Variants in KSR2 observed in about 807,000 individuals in gnomAD.
KSR2 encodes the protein kinase suppressor of ras 2.
In KSR2, 25 loss-of-function variants were observed where a neutral mutation model predicts 107.8. The ratio of observed to expected loss-of-function variants is 0.23; its 90% CI spans 0.17 to 0.32. The LOEUF is 0.32. Among genes scored for constraint, KSR2 ranks in the 10% least tolerant of loss-of-function variants. The probability of loss-of-function intolerance (pLI) is 1.00; values close to 1 mark genes in which losing one functional copy is unlikely to be tolerated. For missense variants in KSR2, 887 were observed against 1,268.9 expected (o/e 0.70, Z 4.57); for synonymous variants, 480 against 507.0 (o/e 0.95, Z 0.71).
chr12:117,622,961 C>T (rs1882272600), intron 5 of KSR2, among the ~76,000 whole-genome samples: 1 of 152,244 alleles, frequency 6.6e-6, no homozygotes, highest in African/African-American at 2.4e-5. Context: ...GGCATGCACT[C>T]CAATGGAGGA....
chr12:117,609,571 C>T lies in KSR2; in HGVS notation c.1172-27212G>A, dbSNP rs551909946. Among the ~76,000 whole-genome samples the T allele has an allele frequency of 2.6e-5, 4 of 152,306 alleles. No homozygotes were observed. In the South Asian group the frequency reaches 6.2e-4, roughly 24 times the overall value. Reference sequence around the variant, plus strand: ...TGGAAAATTTATATGAAATTCTAATCTCAGTGTCCATCAACAAAGTTTAAT... The same window carrying T: ...TGGAAAATTTATATGAAATTCTAATTTCAGTGTCCATCAACAAAGTTTAAT... On this transcript the variant is annotated intron_variant, in intron 5 of 19. Coordinates refer to ENST00000339824, the MANE Select transcript of KSR2 (RefSeq NM_173598.6).
chr12:117,682,361 A>G (rs597780), intron 4 of KSR2, among the ~76,000 whole-genome samples: 119,064 of 152,040 alleles, frequency 0.78, 46,963 homozygotes, highest in African/African-American at 0.86. Context: ...GCAAACCACC[A>G]TGGCACACAT....
At chr12:117,614,742 G>A (rs374040939) in intron 5 of KSR2, among the ~76,000 whole-genome samples, 3 of 152,132 alleles carry the variant, frequency 2.0e-5, no homozygotes, top group South Asian at 2.1e-4. Context: ...TTTAATTTAC[G>A]CCTGTGAAAT....
chr12:117,769,105 A>G (rs10774952), intron 3 of KSR2, among the ~76,000 whole-genome samples: 61,081 of 152,100 alleles, frequency 0.4, 12,729 homozygotes, highest in East Asian at 0.67. Flanking sequence ...CAGATTCTGG[A>G]ATGCAGCTGA....
chr12:117,628,197 G>A (rs1252085895), intron 5 of KSR2, among the ~76,000 whole-genome samples: 2 of 152,098 alleles, frequency 1.3e-5, no homozygotes, highest in African/African-American at 4.8e-5. Flanking sequence ...GCCTACTTCT[G>A]TTAACTCGTC....
chr12:117,704,788 GGTGGA>G (rs1555229900), intron 4 of KSR2, among the ~76,000 whole-genome samples: 1 of 152,036 alleles, frequency 6.6e-6, no homozygotes, highest in Non-Finnish European at 1.5e-5. Flanking sequence ...GAACCCAGGA[GGTGGA>G]GGTTGTAGTG....
chr12:117,739,559 A>G (rs559900271), intron 4 of KSR2, among the ~76,000 whole-genome samples: 52 of 152,270 alleles, frequency 3.4e-4, no homozygotes, highest in African/African-American at 1.3e-3. Context: ...GCCCTCGATA[A>G]TGATGTTATT....
chr12:117,682,662 G>A (rs745666752), intron 4 of KSR2, among the ~76,000 whole-genome samples: 18 of 152,060 alleles, frequency 1.2e-4, no homozygotes, highest in East Asian at 3.9e-4. Flanking sequence ...CGGCTGACCC[G>A]CTGCCTCAGC....
At chr12:117,596,987 C>T (rs1350247278) in intron 5 of KSR2, among the ~76,000 whole-genome samples, 2 of 152,190 alleles carry the variant, frequency 1.3e-5, no homozygotes, top group African/African-American at 4.8e-5. Context: ...TTAGCCTCTT[C>T]CATACACCGT....
chr12:117,652,369 T>C (rs541185482), intron 5 of KSR2, among the ~76,000 whole-genome samples: 3 of 149,794 alleles, frequency 2.0e-5, no homozygotes, highest in African/African-American at 7.4e-5. Flanking sequence ...TCTCTGGCAT[T>C]GGCTAATTAA....
chr12:117,838,210 C>T (rs763278124), intron 3 of KSR2, among the ~76,000 whole-genome samples: 119 of 152,354 alleles, frequency 7.8e-4, no homozygotes, highest in African/African-American at 2.7e-3. Flanking sequence ...CACTGTCACC[C>T]GGGCTGGAAT....
intron 3 of KSR2, among the ~76,000 whole-genome samples, chr12:117,785,922 AAAATTCCCAAATTTTGTGAAAAACAT>A (rs1333616473): frequency 2.0e-5 from 3 of 152,242 alleles, no homozygotes; most frequent in Non-Finnish European, 2.9e-5. Context: ...ATAATGGCTG[AAAATTCCCAAATTTTGTGAAAAACAT>A]AAATTCACAA....
chr12:117,589,973 G>C (rs1376033045), intron 5 of KSR2, among the ~76,000 whole-genome samples: 2 of 152,188 alleles, frequency 1.3e-5, no homozygotes, highest in Non-Finnish European at 1.5e-5. Context: ...AGACCAGGGT[G>C]GGCTTTGGTT....
At chr12:117,895,600 T>C (rs954230289) in intron 1 of KSR2, among the ~76,000 whole-genome samples, 1 of 152,104 alleles carries the variant, frequency 6.6e-6, no homozygotes, top group Non-Finnish European at 1.5e-5. Flanking sequence ...TCTGTGAGGA[T>C]GTGGTGAATG....
intron 5 of KSR2, among the ~76,000 whole-genome samples, chr12:117,588,206 C>T (rs535387742): frequency 1.3e-5 from 2 of 152,216 alleles, no homozygotes; most frequent in African/African-American, 4.8e-5. Context: ...ACTTCCTTGG[C>T]CATAAAGAAG....
At chr12:117,717,338 T>C (rs1887023770) in intron 4 of KSR2, among the ~76,000 whole-genome samples, 1 of 152,004 alleles carries the variant, frequency 6.6e-6, no homozygotes, top group Admixed American at 6.6e-5. Flanking sequence ...CTGGGCCACA[T>C]AGTGAGACCT....
At chr12:117,760,437 A>G (rs1888958436) in intron 4 of KSR2, among the ~76,000 whole-genome samples, 1 of 152,230 alleles carries the variant, frequency 6.6e-6, no homozygotes, top group Admixed American at 6.5e-5. Context: ...GATATTTTAC[A>G]TTGATTCTTT....
chr12:117,692,549 C>T (rs931375111), intron 4 of KSR2, among the ~76,000 whole-genome samples: 4 of 124,492 alleles, frequency 3.2e-5, no homozygotes, highest in African/African-American at 6.1e-5. Context: ...TATACACATA[C>T]ATATATATAT....
chr12:117,517,361 TTA>T (rs1874440426), intron 14 of KSR2, among the ~76,000 whole-genome samples: 1 of 152,204 alleles, frequency 6.6e-6, no homozygotes, highest in Admixed American at 6.5e-5. Flanking sequence ...GCTGGAGGCA[TTA>T]TGGGTGAATT....
Sources: gnomAD v4.1 joint callset for allele counts (sites outside exome capture counted in the v4.1 genomes callset) on GRCh38, gnomAD v4.1.1 for gene constraint, MANE v1.5 for transcripts, NCBI Gene and HGNC (gene_info 2026-07-23, HGNC 2026-07-21) for gene names.